The following GRM4 variants were observed in gnomAD, a reference collection of about 807,000 sequenced individuals.
GRM4 encodes metabotropic glutamate receptor 4.
GRM4 carries 28 observed loss-of-function variants against 81.7 expected under a neutral mutation model. The ratio of observed to expected loss-of-function variants is 0.34; its 90% CI spans 0.25 to 0.47. GRM4 has a LOEUF of 0.47. Among genes scored for constraint, GRM4 ranks in the 20% least tolerant of loss-of-function variants. The pLI, the probability that GRM4 is intolerant of heterozygous loss-of-function variation, is 1.00. For synonymous variants in GRM4, 488 were observed against 528.8 expected, an observed-to-expected ratio of 0.92 and a Z score of 1.06; for missense variants, 948 against 1,290.0, an observed-to-expected ratio of 0.73 and a Z score of 4.06.
rs1765982197 is a variant in GRM4, at chr6:34,057,766, CTGTG to C, written c.1028-1086_1028-1083del. 2.0e-5 allele frequency among the ~76,000 whole-genome samples: 3 copies of C among 152,194 alleles called. No homozygotes were observed. The South Asian group carries it at 6.2e-4, about 32-fold the overall frequency. ...GGTCCCAACTCTGCCACTCGCTGTA[CTGTG>C]TGTGTCTCAAGCTCTCTGAGCCCTG... On this transcript the variant is annotated intron_variant, in intron 5 of 10. Transcript: ENST00000538487.
rs1455844116 is a variant in GRM4 at position 34,028,082 on chromosome 6, C to T, written c.2689+38G>A. ...CCACCTGCTGCAAAAGGAGCGGGGC[C>T]TGGGGCCCGAGAGGGCAGAACGGGG... On this transcript the variant is annotated intron_variant, in intron 10 of 10. Coordinates refer to ENST00000538487, the MANE Select transcript of GRM4 (RefSeq NM_000841.4). 5.1e-6 allele frequency: 8 copies of T among 1,583,930 alleles called. No individual in the cohort carries two copies. The African/African-American group carries it at 9.4e-5, about 19-fold the overall frequency.
intron 3 of GRM4, among the ~76,000 whole-genome samples, chr6:34,091,250 T>C (rs1157110000): frequency 8.5e-5 from 13 of 152,184 alleles, no homozygotes. Context: ...TGGGGACACC[T>C]GAAAGCTTTA....
In GRM4 at chr6:34,047,200, C is replaced by T. The variant is rs1432926597; in HGVS notation, c.1169-6452G>A. On this transcript the variant is annotated intron_variant, in intron 6 of 10. Transcript: ENST00000538487. The surrounding 1 kb of genome is among the most constrained non-coding windows in gnomAD (Gnocchi z 4.5). ...GCCTCAGCTCTCCTTTCCTCCCTGA[C>T]ACGCCCCTGCTGGATGACACCCCAC... is the stretch of plus-strand genomic sequence containing the variant. Among the ~76,000 whole-genome samples the T allele has an allele frequency of 6.6e-6, 1 of 152,166 alleles. No individual in the cohort carries two copies. The highest frequency in any genetic ancestry group is 1.5e-5 in the Non-Finnish European group (1 of 68,020).
intron 3 of GRM4, among the ~76,000 whole-genome samples, chr6:34,071,230 C>T (rs1301371130): frequency 1.3e-5 from 2 of 151,566 alleles, no homozygotes; most frequent in Non-Finnish European, 1.5e-5. Context: ...CAGATACACA[C>T]CACACATACC....
intron 5 of GRM4, among the ~76,000 whole-genome samples, chr6:34,057,530 C>T (rs1279103310): frequency 2.6e-5 from 4 of 152,200 alleles, no homozygotes; most frequent in Non-Finnish European, 5.9e-5. Flanking sequence ...GGGGGCCATC[C>T]TGTGCACCGT....
chr6:34,035,923 G>C lies in GRM4; in HGVS notation c.2187C>G (p.Phe729Leu), dbSNP rs149224789. 6.2e-7 allele frequency: 1 copy of C among 1,609,770 alleles called. No homozygotes were observed. Among genetic ancestry groups the C allele is most frequent in the East Asian group, 2.2e-5 (1 of 44,728 alleles). The change falls in exon 9 of 11, where the codon TTC becomes TTG. Residue 729 changes from phenylalanine to leucine, a missense_variant. Transcript: ENST00000538487. The surrounding 1 kb of genome is among the most constrained non-coding windows in gnomAD (Gnocchi z 6.6). ...VVDPSHSVVDFQDQRTLDPRF... is the reference protein window; with the variant it reads ...VVDPSHSVVDLQDQRTLDPRF... ...GGGGGTCGAGTGTCCGCTGGTCCTG[G>C]AAGTCCACCACCGAGTGGGAGGGGT... is the stretch of plus-strand genomic sequence containing the variant.
chr6:34,046,495 G>A (rs187375259), intron 6 of GRM4, among the ~76,000 whole-genome samples: 1 of 152,316 alleles, frequency 6.6e-6, no homozygotes, highest in Non-Finnish European at 1.5e-5. Flanking sequence ...GGGAGGTGAG[G>A]TGGGGGAGGA....
chr6:34,133,668 C>T lies in GRM4; in HGVS notation c.-172G>A. The T allele has an allele frequency of 7.1e-7, 1 of 1,416,006 alleles. No homozygotes were observed. Among genetic ancestry groups the T allele is most frequent in the Non-Finnish European group, 9.2e-7 (1 of 1,090,928 alleles). The allele number at this position is 1,416,006 out of a possible 1,614,324, so 87.7% of individuals were successfully genotyped here. A position where few individuals can be genotyped will look rare whatever the true frequency, so the allele number is the denominator to read the frequency against. ...CTCTCCCACCTCCTTGTCACTCGGG[C>T]CAAGCACAGTTGCCCGCACAGTCCA... On this transcript the variant is annotated 5_prime_UTR_variant, in exon 2 of 11. Transcript: ENST00000538487. The surrounding 1 kb of genome is among the most constrained non-coding windows in gnomAD (Gnocchi z 6.5).
intron 8 of GRM4, among the ~76,000 whole-genome samples, chr6:34,038,529 G>A (rs752684943): frequency 1.3e-5 from 2 of 152,178 alleles, no homozygotes; most frequent in Non-Finnish European, 2.9e-5. Context: ...GTGATGCGAC[G>A]CCGCCACACC....
Position 34,035,526 on chromosome 6 carries a change from A to T in GRM4, c.2442+142T>A. 1.7e-6 allele frequency: 1 copy of T among 583,204 alleles called. No homozygotes were observed. Among genetic ancestry groups the T allele is most frequent in the Non-Finnish European group, 3.1e-6 (1 of 325,146 alleles). 36.1% of individuals were successfully genotyped at this position (583,204 alleles called of 1,614,324 possible). The stretch of plus-strand genomic sequence containing the variant: ...GGCAGAATGAGGCATGAAAGAAGGC[A>T]GAATGAGGCAAGAAAGAAGGCAGAA... On this transcript the variant is annotated intron_variant, in intron 9 of 10. Coordinates refer to ENST00000538487, the MANE Select transcript of GRM4 (RefSeq NM_000841.4). The surrounding 1 kb of genome is among the most constrained non-coding windows in gnomAD (Gnocchi z 6.6).
At chr6:34,137,801 G>A (rs988403639) in intron 1 of GRM4, among the ~76,000 whole-genome samples, 8 of 116,808 alleles carry the variant, frequency 6.8e-5, no homozygotes, top group African/African-American at 2.8e-4. Flanking sequence ...TATGTCGCTT[G>A]CCCAGGCTGG....
At chr6:34,124,859 T>G (rs773130268) in intron 2 of GRM4, among the ~76,000 whole-genome samples, 6 of 152,126 alleles carry the variant, frequency 3.9e-5, no homozygotes, top group Non-Finnish European at 8.8e-5. Context: ...AGACTCAGCC[T>G]TCACCTCAGC....
At position 34,125,294 on chromosome 6, in the gene GRM4, G is replaced by A. The variant is rs953078605; in HGVS notation, c.519+7684C>T. Among the ~76,000 whole-genome samples, 8 of 152,146 alleles carry A rather than the reference G, an allele frequency of 5.3e-5. No homozygotes were observed. In the East Asian group the frequency reaches 7.7e-4, roughly 15 times the overall value. ...CTGTTTGCCCATCCAGTCACCGCAC[G>A]CTAAAGCTGACATCCTGCCTGCCTC... On this transcript the variant is annotated intron_variant, in intron 2 of 10. Coordinates refer to ENST00000538487, the MANE Select transcript of GRM4 (RefSeq NM_000841.4).
chr6:34,121,778 G>A lies in GRM4; in HGVS notation c.519+11200C>T, dbSNP rs1769821395. ...GGAATGGGAGGAGGGACAGGAAGGA[G>A]AATCCAGCCTTCTCCTCACACATGG... is the stretch of plus-strand genomic sequence containing the variant. On this transcript the variant is annotated intron_variant, in intron 2 of 10. Coordinates refer to ENST00000538487, the MANE Select transcript of GRM4 (RefSeq NM_000841.4). This position sits in a 1 kb window ranked among gnomAD's most constrained non-coding sequence, Gnocchi z 4.6. 6.6e-6 allele frequency among the ~76,000 whole-genome samples: 1 copy of A among 152,180 alleles called. No individual in the cohort carries two copies. Among genetic ancestry groups the A allele is most frequent in the African/African-American group, 2.4e-5 (1 of 41,446 alleles).
chr6:34,040,271 C>T lies in GRM4; in HGVS notation c.1413G>A (p.Ala471=), dbSNP rs769775142. The T allele has an allele frequency of 3.1e-6, 5 of 1,614,040 alleles. No individual in the cohort carries two copies. The highest frequency in any genetic ancestry group is 1.3e-5 in the African/African-American group (1 of 74,944). Residue 471 remains alanine (A), a synonymous_variant, in exon 8 of 11, where the codon GCG becomes GCA. Coordinates refer to ENST00000538487, the MANE Select transcript of GRM4 (RefSeq NM_000841.4). ...NPVTFNENGD[A]PGRYDIYQYQ... The stretch of plus-strand genomic sequence containing the variant: ...ATTGGTAGATGTCATAGCGCCCAGG[C>T]GCATCTCCATTCTCATTGAAGGTCA...
Position 34,136,154 on chromosome 6 carries a change from T to A in GRM4, c.-363-2295A>T, listed in dbSNP as rs1173516531. 6.6e-6 allele frequency among the ~76,000 whole-genome samples: 1 copy of A among 152,180 alleles called. No individual in the cohort carries two copies. The highest frequency in any genetic ancestry group is 2.1e-4 in the South Asian group (1 of 4,830). On this transcript the variant is annotated intron_variant, in intron 1 of 10. Coordinates refer to ENST00000538487, the MANE Select transcript of GRM4 (RefSeq NM_000841.4). This position sits in a 1 kb window ranked among gnomAD's most constrained non-coding sequence, Gnocchi z 4.1. ...GCTTTACCTACATTTTCTCATGTAATCCCCACATCCCTATGAGCTTCATGG... is the reference window on the plus strand; with the variant it reads ...GCTTTACCTACATTTTCTCATGTAAACCCCACATCCCTATGAGCTTCATGG...
rs755134298 is a variant in GRM4 at position 34,028,083 on chromosome 6, TGGGGCCCGAGAGGGCAGAAC to T, written c.2689+17_2689+36del. 1 of 1,584,264 alleles carries T rather than the reference TGGGGCCCGAGAGGGCAGAAC, an allele frequency of 6.3e-7. No individual in the cohort carries two copies. On this transcript the variant is annotated intron_variant, in intron 10 of 10. Transcript: ENST00000538487. The stretch of plus-strand genomic sequence containing the variant: ...CACCTGCTGCAAAAGGAGCGGGGCC[TGGGGCCCGAGAGGGCAGAAC>T]GGGGCCAGGCACTCACCTGGGGCCT...
rs10635207 is a variant in GRM4, at chr6:34,136,563, G to GACACACACACACACACACACAC, written c.-363-2726_-363-2705dup. 3.4e-4 allele frequency among the ~76,000 whole-genome samples: 48 copies of GACACACACACACACACACACAC among 142,530 alleles called. No homozygotes were observed. The highest frequency in any genetic ancestry group is 7.0e-4 in the South Asian group (3 of 4,288). 93.5% of individuals were successfully genotyped at this position (142,530 alleles called of 152,430 possible). ...GCTGAGCAGTGCATGCGCGCGTGCG[G>GACACACACACACACACACACAC]ACACACACACACACACACACACACA... is the stretch of plus-strand genomic sequence containing the variant. On this transcript the variant is annotated intron_variant, in intron 1 of 10. Coordinates refer to ENST00000538487, the MANE Select transcript of GRM4 (RefSeq NM_000841.4). This position sits in a 1 kb window ranked among gnomAD's most constrained non-coding sequence, Gnocchi z 4.1.
Position 34,136,982 on chromosome 6 carries a change from G to A in GRM4, c.-363-3123C>T, listed in dbSNP as rs999503206. Among the ~76,000 whole-genome samples, 2 of 152,210 alleles carry A rather than the reference G, an allele frequency of 1.3e-5. No homozygotes were observed. Among genetic ancestry groups the A allele is most frequent in the Non-Finnish European group, 2.9e-5 (2 of 68,030 alleles). On this transcript the variant is annotated intron_variant, in intron 1 of 10. Coordinates refer to ENST00000538487, the MANE Select transcript of GRM4 (RefSeq NM_000841.4). This position sits in a 1 kb window ranked among gnomAD's most constrained non-coding sequence, Gnocchi z 4.1. ...CAGGCGGATGCTCCCTTCCCCCGCA[G>A]GGCCTGCTTCCTTCTGCAGAGGGAA...
Sources: gnomAD v4.1 joint callset for allele counts (sites outside exome capture counted in the v4.1 genomes callset) on GRCh38, gnomAD v4.1.1 for gene constraint, Gnocchi (gnomAD v3.1) non-coding constraint, MANE v1.5 for transcripts, NCBI Gene and HGNC (gene_info 2026-07-23, HGNC 2026-07-21) for gene names.